Variants in ACOT11 observed in about 807,000 individuals in gnomAD.
The protein encoded by ACOT11 is acyl-CoA thioesterase 11.
In ACOT11, 69 loss-of-function variants were observed where a neutral mutation model predicts 77.5. That is an observed-to-expected ratio of 0.89 (90% CI 0.73 to 1.09). The LOEUF is 1.09. ACOT11 is among the 50% of genes least tolerant of loss of function. The pLI, the probability that ACOT11 is intolerant of heterozygous loss-of-function variation, is 0.00. For synonymous variants in ACOT11, 279 were observed against 313.0 expected, an observed-to-expected ratio of 0.89 and a Z score of 1.15; for missense variants, 766 against 813.7, an observed-to-expected ratio of 0.94 and a Z score of 0.71.
chr1:54,617,585 G>A (rs528265109), intron 15 of ACOT11, among the ~76,000 whole-genome samples: 1 of 151,028 alleles, frequency 6.6e-6, no homozygotes, highest in Non-Finnish European at 1.5e-5. Context: ...TTCATCTCAC[G>A]TTCCACTCTC....
At chr1:54,623,562 AAG>A in intron 15 of ACOT11, 1 of 624,460 alleles carries the variant, frequency 1.6e-6, no homozygotes. Context: ...ATAACCCCTG[AAG>A]CCCCTCCTCC....
At chr1:54,590,098 A>C (rs552844836) in intron 3 of ACOT11, among the ~76,000 whole-genome samples, 79 of 152,008 alleles carry the variant, frequency 5.2e-4, no homozygotes, top group Non-Finnish European at 9.3e-4. Context: ...AAAAAAAAAA[A>C]AACAAAAAAA....
downstream of ACOT11, chr1:54,611,784 C>T: frequency 1.2e-6 from 2 of 1,611,754 alleles, no homozygotes; most frequent in Non-Finnish European, 1.7e-6. Context: ...TGTCTGGGCC[C>T]AGCAAGACCC....
intron 1 of ACOT11, among the ~76,000 whole-genome samples, chr1:54,549,142 C>A (rs778461853): frequency 6.6e-6 from 1 of 152,146 alleles, no homozygotes; most frequent in Non-Finnish European, 1.5e-5. Context: ...GCATCCTCAC[C>A]GGGCCCTGTG....
chr1:54,572,616 G>T (rs1653963275), intron 1 of ACOT11, among the ~76,000 whole-genome samples: 1 of 152,228 alleles, frequency 6.6e-6, no homozygotes, highest in Non-Finnish European at 1.5e-5. Flanking sequence ...CTTGGGGTCA[G>T]ACTCAGACTG....
Position 54,607,321 on chromosome 1 carries a change from G to A in ACOT11, c.1502+56G>A, listed in dbSNP as rs2101007119. The A allele has an allele frequency of 6.3e-7, 1 of 1,596,910 alleles. No homozygotes were observed. Among genetic ancestry groups the A allele is most frequent in the Non-Finnish European group, 8.6e-7 (1 of 1,166,914 alleles). On this transcript the variant is annotated intron_variant, in intron 14 of 15. Transcript: ENST00000343744. This position sits in a 1 kb window ranked among gnomAD's most constrained non-coding sequence, Gnocchi z 4.5. ...CACAACTGGACAGGGTGGTAGGGTGGCCGCTTCTCCCTCCCAGGGAAGGGC... is the reference window on the plus strand; with the variant it reads ...CACAACTGGACAGGGTGGTAGGGTGACCGCTTCTCCCTCCCAGGGAAGGGC...
At chr1:54,605,547 A>C (rs1644015102) in intron 13 of ACOT11, among the ~76,000 whole-genome samples, 1 of 151,906 alleles carries the variant, frequency 6.6e-6, no homozygotes, top group African/African-American at 2.4e-5. Flanking sequence ...TCACACTCAG[A>C]GATACTGATT....
chr1:54,613,242 G>A (rs1347462596), downstream of ACOT11, among the ~76,000 whole-genome samples: 1 of 152,104 alleles, frequency 6.6e-6, no homozygotes, highest in East Asian at 1.9e-4. Flanking sequence ...AGCTGAACGT[G>A]GTGGCGCATG....
chr1:54,603,862 C>T lies in ACOT11; in HGVS notation c.1086-9C>T. ...GGGGACCAAGGTTGTCATCTTCTCT[C>T]CTTCCCAGGAAGTACATCGTGTCCT... On this transcript the variant is annotated splice_polypyrimidine_tract_variant and intron_variant, in intron 10 of 15. Coordinates refer to ENST00000343744, the MANE Select transcript of ACOT11 (RefSeq NM_147161.4). 6.2e-7 allele frequency: 1 copy of T among 1,613,904 alleles called. No homozygotes were observed. The highest frequency in any genetic ancestry group is 8.5e-7 in the Non-Finnish European group (1 of 1,179,820).
At chr1:54,622,438 C>T (rs1426175894) in intron 15 of ACOT11, among the ~76,000 whole-genome samples, 4 of 151,700 alleles carry the variant, frequency 2.6e-5, no homozygotes, top group East Asian at 1.9e-4. Context: ...ATTAGCTGAG[C>T]GTGGTGGCGC....
chr1:54,612,478 G>A, downstream of ACOT11: 1 of 1,610,904 alleles, frequency 6.2e-7, no homozygotes, highest in Non-Finnish European at 8.5e-7. Flanking sequence ...GGGTTTGGTG[G>A]TTTTCACCTC....
intron 5 of ACOT11, among the ~76,000 whole-genome samples, chr1:54,594,324 C>T (rs145325314): frequency 1.3e-5 from 2 of 152,360 alleles, no homozygotes; most frequent in Non-Finnish European, 2.9e-5. Flanking sequence ...ACCCCCCATC[C>T]TCTGAGCCTT....
chr1:54,570,281 T>C (rs1390813383), intron 1 of ACOT11, among the ~76,000 whole-genome samples: 1 of 152,244 alleles, frequency 6.6e-6, no homozygotes, highest in African/African-American at 2.4e-5. Flanking sequence ...CACATCTTGA[T>C]TCTTGGTTGA....
downstream of ACOT11, among the ~76,000 whole-genome samples, chr1:54,615,195 C>T (rs1454171189): frequency 2.0e-5 from 3 of 152,108 alleles, no homozygotes; most frequent in Non-Finnish European, 4.4e-5. Flanking sequence ...GCAGGGCAGA[C>T]TCAGAGGGTC....
At chr1:54,557,422 ATTAT>A (rs1410253236) in intron 1 of ACOT11, among the ~76,000 whole-genome samples, 1 of 151,356 alleles carries the variant, frequency 6.6e-6, no homozygotes, top group Non-Finnish European at 1.5e-5. Flanking sequence ...AAAAAATTAA[ATTAT>A]TTATCTACCC....
At chr1:54,623,163 GC>G in intron 15 of ACOT11, 4 of 708,492 alleles carry the variant, frequency 5.6e-6, no homozygotes, top group Non-Finnish European at 9.6e-6. Context: ...GGCAACAAGA[GC>G]AAAACTCCGT....
At position 54,610,080 on chromosome 1, in the gene ACOT11, G is replaced by T; in HGVS notation, c.*968G>T. 2 of 1,436,552 alleles carry T rather than the reference G, an allele frequency of 1.4e-6. 1 individual carries two copies. The highest frequency in any genetic ancestry group is 1.8e-6 in the Non-Finnish European group (2 of 1,100,556). 89.0% of individuals were successfully genotyped at this position (1,436,552 alleles called of 1,614,324 possible). A position where few individuals can be genotyped will look rare whatever the true frequency, so the allele number is the denominator to read the frequency against. On this transcript the variant is annotated 3_prime_UTR_variant, in exon 16 of 16. Coordinates refer to ENST00000343744, the MANE Select transcript of ACOT11 (RefSeq NM_147161.4). ...CTGGAATCTGTCAACCCAGTTTTGG[G>T]CTCCAGGTGGATGGGTTGCTTTATA... is the stretch of plus-strand genomic sequence containing the variant.
chr1:54,614,823 C>T (rs1390528373), downstream of ACOT11: 2 of 1,614,124 alleles, frequency 1.2e-6, no homozygotes, highest in Non-Finnish European at 1.7e-6. Context: ...CAGGGAGGGG[C>T]CCACTGCCTT....
At chr1:54,637,623 C>T (rs1352112404) in exon 17 of ACOT11, 1 of 152,082 alleles carries the variant, frequency 6.6e-6, no homozygotes, top group Non-Finnish European at 1.5e-5. Flanking sequence ...TCTCTCTCTA[C>T]TAAAAATACA....
Sources: gnomAD v4.1 joint callset for allele counts (sites outside exome capture counted in the v4.1 genomes callset) on GRCh38, gnomAD v4.1.1 for gene constraint, Gnocchi (gnomAD v3.1) non-coding constraint, MANE v1.5 for transcripts, NCBI Gene and HGNC (gene_info 2026-07-23, HGNC 2026-07-21) for gene names.